Variants in ASXL2 observed in about 807,000 individuals in gnomAD.
ASXL2 encodes the protein ASXL transcriptional regulator 2.
In ASXL2, 23 loss-of-function variants were observed where a neutral mutation model predicts 122.0. The observed-to-expected ratio is 0.19, with a 90% confidence interval of 0.14 to 0.27. The LOEUF is 0.27. ASXL2 is among the 10% of genes least tolerant of loss of function. ASXL2 has a pLI of 1.00. For synonymous variants in ASXL2, 650 were observed against 637.0 expected, an observed-to-expected ratio of 1.02 and a Z score of -0.31; for missense variants, 1,518 against 1,713.8, an observed-to-expected ratio of 0.89 and a Z score of 2.02.
chr2:25,833,065 G>A (rs1467091870), intron 3 of ASXL2, among the ~76,000 whole-genome samples: 1 of 152,134 alleles, frequency 6.6e-6, no homozygotes, highest in Non-Finnish European at 1.5e-5. Context: ...TTTAAAAGGG[G>A]AACACAAGGG....
At chr2:25,855,026 A>G (rs778151735) in intron 1 of ASXL2, among the ~76,000 whole-genome samples, 2 of 152,220 alleles carry the variant, frequency 1.3e-5, no homozygotes, top group Non-Finnish European at 2.9e-5. Context: ...TCTGGCAGAC[A>G]GTGCCGCTCA....
At chr2:25,847,664 A>G (rs1374829162) in intron 1 of ASXL2, among the ~76,000 whole-genome samples, 1 of 152,250 alleles carries the variant, frequency 6.6e-6, no homozygotes, top group African/African-American at 2.4e-5. Flanking sequence ...AGTACTGAAA[A>G]TAAACAAAAA....
intron 5 of ASXL2, among the ~76,000 whole-genome samples, chr2:25,772,029 C>T (rs1302070248): frequency 1.3e-5 from 2 of 152,116 alleles, no homozygotes; most frequent in Non-Finnish European, 2.9e-5. Context: ...GGCTTACCAA[C>T]GTGAGAGGGC....
chr2:25,765,293 G>T (rs1284538255), intron 8 of ASXL2, among the ~76,000 whole-genome samples: 2 of 152,002 alleles, frequency 1.3e-5, no homozygotes, highest in Non-Finnish European at 2.9e-5. Context: ...AGACCATCCT[G>T]GCTAACACAG....
chr2:25,752,724 G>A (rs1042458318), intron 11 of ASXL2, among the ~76,000 whole-genome samples: 8 of 151,922 alleles, frequency 5.3e-5, no homozygotes, highest in Non-Finnish European at 1.0e-4. Flanking sequence ...GTACACGCCT[G>A]TAATCCCAGC....
At chr2:25,769,424 A>G (rs1006371313) in intron 6 of ASXL2, among the ~76,000 whole-genome samples, 5 of 152,178 alleles carry the variant, frequency 3.3e-5, no homozygotes, top group African/African-American at 1.2e-4. Context: ...GATTTGTCCC[A>G]ATTATCAAAT....
intron 1 of ASXL2, among the ~76,000 whole-genome samples, chr2:25,854,182 T>C (rs971847076): frequency 6.6e-6 from 1 of 152,134 alleles, no homozygotes; most frequent in African/African-American, 2.4e-5. Context: ...TTCTTTTAAT[T>C]ATCCAAAAAG....
Position 25,859,641 on chromosome 2 carries a change from G to A in ASXL2, c.58-14078C>T, listed in dbSNP as rs532898349. Among the ~76,000 whole-genome samples, 6 of 152,294 alleles carry A rather than the reference G, an allele frequency of 3.9e-5. No individual in the cohort carries two copies. The South Asian group carries it at 8.3e-4, about 21-fold the overall frequency. On this transcript the variant is annotated intron_variant, in intron 1 of 12. Coordinates refer to ENST00000435504, the MANE Select transcript of ASXL2 (RefSeq NM_018263.6). ...TACAACCTGGACAAAACGCAGAGAG[G>A]AGCTAAAGACTCTGCAAAGTAAACA...
intron 1 of ASXL2, among the ~76,000 whole-genome samples, chr2:25,871,518 TA>T (rs200455088): frequency 0.042 from 6,464 of 152,230 alleles, 208 homozygotes; most frequent in African/African-American, 0.08. Flanking sequence ...TTCAACAAAC[TA>T]GGAGGCTTGT....
intron 4 of ASXL2, among the ~76,000 whole-genome samples, chr2:25,803,721 T>C (rs1196997674): frequency 2.0e-5 from 3 of 152,156 alleles, no homozygotes; most frequent in African/African-American, 7.2e-5. Context: ...CAGTTCACAA[T>C]AGAGTACGCA....
intron 1 of ASXL2, among the ~76,000 whole-genome samples, chr2:25,873,964 T>G (rs556287722): frequency 4.6e-5 from 7 of 152,338 alleles, no homozygotes; most frequent in Middle Eastern, 6.8e-3. Flanking sequence ...AAGTTCTGCT[T>G]TGCAAAAACT....
Position 25,744,217 on chromosome 2 carries a change from C to T in ASXL2, c.2120G>A (p.Gly707Glu). 6.2e-7 allele frequency: 1 copy of T among 1,614,022 alleles called. No homozygotes were observed. Residue 707 changes from glycine (G) to glutamate (E), a missense_variant, in exon 13 of 13, where the codon GGG (glycine) becomes GAG (glutamate). Around this residue, in one of 8 missense-constraint regions of ASXL2, gnomAD observed 48 missense variants for 82.1 expected, o/e 0.58. Transcript: ENST00000435504. This position sits in a 1 kb window ranked among gnomAD's most constrained non-coding sequence, Gnocchi z 4.7. The part of the protein sequence containing the change: ...GGQGPGEGGE[G>E]QTARGGSPGS... ...TGGACTGCCTCCTCTAGCAGTCTGC[C>T]CTTCACCACCCTCTCCTGGACCTTG...
At chr2:25,805,109 T>G (rs2089062446) in intron 4 of ASXL2, among the ~76,000 whole-genome samples, 1 of 152,168 alleles carries the variant, frequency 6.6e-6, no homozygotes, top group Non-Finnish European at 1.5e-5. Flanking sequence ...GAATATGGGC[T>G]TGGGAATTCA....
At chr2:25,799,251 T>G (rs1231427981) in intron 5 of ASXL2, 134 bp downstream of exon 5, 1 of 1,212,248 alleles carries the variant, frequency 8.2e-7, no homozygotes, top group African/African-American at 1.5e-5. Flanking sequence ...TGCAGAAAAC[T>G]CTCCTTGACA....
At chr2:25,810,222 A>G in intron 3 of ASXL2, 1 of 604,134 alleles carries the variant, frequency 1.7e-6, no homozygotes, top group Non-Finnish European at 3.2e-6. Context: ...GGACACTGCC[A>G]GCTCAGCTCG....
chr2:25,749,742 A>G lies in ASXL2; in HGVS notation c.1814T>C (p.Leu605Pro). Residue 605 changes from leucine (L) to proline (P), a missense_variant, in exon 12 of 13, where the codon CTC (leucine) becomes CCC (proline). Around this residue, in one of 8 missense-constraint regions of ASXL2, gnomAD observed 292 missense variants for 293.5 expected, o/e 1.00. Coordinates refer to ENST00000435504, the MANE Select transcript of ASXL2 (RefSeq NM_018263.6). Reference protein sequence around the residue: ...QPFQVSPQPFLNRGDRIQVRK... With the variant: ...QPFQVSPQPFPNRGDRIQVRK... ...CACCTGGATTCTGTCCCCTCTATTG[A>G]GAAAGGGCTGTGGTGAGACCTGAAA... 1.9e-6 allele frequency: 3 copies of G among 1,558,846 alleles called. No homozygotes were observed. The highest frequency in any genetic ancestry group is 1.2e-5 in the South Asian group (1 of 80,228).
intron 3 of ASXL2, among the ~76,000 whole-genome samples, chr2:25,815,746 G>C (rs949540958): frequency 3.3e-5 from 5 of 152,162 alleles, no homozygotes; most frequent in African/African-American, 1.2e-4. Flanking sequence ...ACTGACTGGA[G>C]AACTTGGATA....
intron 11 of ASXL2, among the ~76,000 whole-genome samples, chr2:25,751,677 C>A (rs1306865734): frequency 6.6e-6 from 1 of 150,958 alleles, no homozygotes; most frequent in Non-Finnish European, 1.5e-5. Context: ...AGGGAATGAA[C>A]AAATATTTGT....
chr2:25,842,790 G>A (rs112016289), intron 2 of ASXL2, among the ~76,000 whole-genome samples: 64 of 112,660 alleles, frequency 5.7e-4, no homozygotes, highest in South Asian at 1.7e-3. Flanking sequence ...GTGTGTGTGT[G>A]TGTATATATA....
Sources: allele counts gnomAD v4.1 joint callset (sites outside exome capture counted in the v4.1 genomes callset), GRCh38; gene constraint gnomAD v4.1.1; regional missense constraint gnomAD v4.1.1; non-coding constraint Gnocchi (gnomAD v3.1); transcripts MANE v1.5; gene names NCBI Gene and HGNC (gene_info 2026-07-23, HGNC 2026-07-21).